The following ZRANB3 variants were observed in gnomAD, a reference collection of about 807,000 sequenced individuals.
ZRANB3 encodes the protein DNA annealing helicase and endonuclease ZRANB3.
ZRANB3 carries 125 observed loss-of-function variants against 133.8 expected under a neutral mutation model. That is an observed-to-expected ratio of 0.93 (90% CI 0.81 to 1.08). ZRANB3 has a LOEUF of 1.08. Among genes scored for constraint, ZRANB3 ranks in the 50% least tolerant of loss-of-function variants. The pLI is 0.00. For synonymous variants in ZRANB3, 387 were observed against 432.7 expected (o/e 0.89, Z 1.31); for missense variants, 1,229 against 1,275.5 (o/e 0.96, Z 0.56).
intron 1 of ZRANB3, among the ~76,000 whole-genome samples, chr2:135,526,593 G>A (rs987957099): frequency 2.0e-5 from 3 of 152,042 alleles, no homozygotes; most frequent in Admixed American, 2.0e-4. Flanking sequence ...TCTGACTGTG[G>A]CATAACATTA....
In ZRANB3 at chr2:135,219,186, T is replaced by G; in HGVS notation, c.2251-8A>C. ...GCTCATCTGTTTTCCATCCTGATGA[T>G]AGATTAGGAAGACACTAATAATCCA... is the stretch of plus-strand genomic sequence containing the variant. On this transcript the variant is annotated splice_polypyrimidine_tract_variant and splice_region_variant and intron_variant, in intron 15 of 20. Transcript: ENST00000264159. 2.7e-6 allele frequency: 4 copies of G among 1,489,936 alleles called. No individual in the cohort carries two copies. The highest frequency in any genetic ancestry group is 5.5e-5 in the Admixed American group (2 of 36,324). 92.3% of individuals were successfully genotyped at this position (1,489,936 alleles called of 1,614,324 possible). A position where few individuals can be genotyped will look rare whatever the true frequency, so the allele number is the denominator to read the frequency against.
intron 2 of ZRANB3, among the ~76,000 whole-genome samples, chr2:135,455,843 C>T (rs925469382): frequency 6.6e-6 from 1 of 152,020 alleles, no homozygotes; most frequent in Admixed American, 6.6e-5. Context: ...ATCCACCCAC[C>T]TCGGCCTCCC....
At chr2:135,361,942 T>C (rs1289532184) in intron 3 of ZRANB3, among the ~76,000 whole-genome samples, 1 of 152,162 alleles carries the variant, frequency 6.6e-6, no homozygotes. Flanking sequence ...CTCACGTCTG[T>C]AATCCCAGCA....
intron 2 of ZRANB3, among the ~76,000 whole-genome samples, chr2:135,428,369 G>C (rs1689181064): frequency 6.6e-6 from 1 of 150,602 alleles, no homozygotes; most frequent in Non-Finnish European, 1.5e-5. Flanking sequence ...CTTGAACCTG[G>C]GAGCCAAGAT....
At chr2:135,272,810 T>C (rs1680595856) in intron 9 of ZRANB3, among the ~76,000 whole-genome samples, 1 of 152,060 alleles carries the variant, frequency 6.6e-6, no homozygotes, top group East Asian at 1.9e-4. Flanking sequence ...ACATTAAGTG[T>C]TAAACCGAAC....
At chr2:135,388,029 T>C (rs1241056637) in intron 3 of ZRANB3, among the ~76,000 whole-genome samples, 1 of 152,170 alleles carries the variant, frequency 6.6e-6, no homozygotes, top group Non-Finnish European at 1.5e-5. Context: ...TACCCGAGTC[T>C]GGGTAATTTA....
intron 12 of ZRANB3, among the ~76,000 whole-genome samples, chr2:135,231,319 C>CT (rs1695002667): frequency 2.0e-5 from 3 of 152,148 alleles, no homozygotes; most frequent in African/African-American, 7.2e-5. Flanking sequence ...ATACATTACC[C>CT]TAAATATATG....
chr2:135,248,875 C>T (rs956729994), intron 12 of ZRANB3, among the ~76,000 whole-genome samples: 1 of 152,078 alleles, frequency 6.6e-6, no homozygotes, highest in Non-Finnish European at 1.5e-5. Flanking sequence ...CATCACATTC[C>T]AGCCTGGGTG....
intron 2 of ZRANB3, among the ~76,000 whole-genome samples, chr2:135,430,434 TAA>T (rs76026768): frequency 7.0e-6 from 1 of 143,856 alleles, no homozygotes; most frequent in Non-Finnish European, 1.5e-5. Flanking sequence ...GTAAGAAGAT[TAA>T]AAAAAAAAAA....
At chr2:135,438,867 G>A (rs1689662811) in intron 2 of ZRANB3, among the ~76,000 whole-genome samples, 2 of 152,136 alleles carry the variant, frequency 1.3e-5, no homozygotes, top group Admixed American at 6.6e-5. Context: ...TAATGTTAAT[G>A]AAGAACTTTT....
At chr2:135,363,588 C>A (rs1025589942) in intron 3 of ZRANB3, among the ~76,000 whole-genome samples, 18 of 152,206 alleles carry the variant, frequency 1.2e-4, no homozygotes, top group East Asian at 3.9e-4. Flanking sequence ...TCAGCAATTT[C>A]TTAAAATTGA....
intron 8 of ZRANB3, among the ~76,000 whole-genome samples, chr2:135,307,216 C>T (rs1004414785): frequency 2.0e-5 from 3 of 152,064 alleles, no homozygotes; most frequent in African/African-American, 7.2e-5. Flanking sequence ...CAGACGTGTA[C>T]CATCACACTG....
chr2:135,489,658 A>G (rs965083995), intron 2 of ZRANB3, among the ~76,000 whole-genome samples: 4 of 151,772 alleles, frequency 2.6e-5, no homozygotes, highest in South Asian at 4.1e-4. Flanking sequence ...AATAAACAAA[A>G]CTGAAATGAA....
rs772041703 is a variant in ZRANB3 at position 135,331,256 on chromosome 2, G to A, written c.677+14294C>T. On this transcript the variant is annotated intron_variant, in intron 6 of 20. Coordinates refer to ENST00000264159, the MANE Select transcript of ZRANB3 (RefSeq NM_032143.4). ...AAATGTGTCCCAGAGATTCTGGTAC[G>A]TTGTGCCTTTTTTCTCATTGGTTTC... is the stretch of plus-strand genomic sequence containing the variant. 1.7e-4 allele frequency among the ~76,000 whole-genome samples: 26 copies of A among 152,228 alleles called. 1 individual carries two copies. In the East Asian group the frequency reaches 3.3e-3, roughly 19 times the overall value.
At position 135,199,681 on chromosome 2, in the gene ZRANB3, C is replaced by T. The variant is rs1264189797; in HGVS notation, c.*661G>A. ...AGTGGCATTTTACATTTTATGTTTT[C>T]AGTTATTTAATAGTTTTAACAATTA... On this transcript the variant is annotated 3_prime_UTR_variant, in exon 21 of 21. Coordinates refer to ENST00000264159, the MANE Select transcript of ZRANB3 (RefSeq NM_032143.4). 1 of 152,156 alleles carries T rather than the reference C, an allele frequency of 6.6e-6. No homozygotes were observed. The highest frequency in any genetic ancestry group is 1.9e-4 in the East Asian group (1 of 5,204). 9.4% of individuals were successfully genotyped at this position (152,156 alleles called of 1,614,324 possible).
chr2:135,354,593 T>C (rs915257972), intron 3 of ZRANB3, among the ~76,000 whole-genome samples: 3 of 152,132 alleles, frequency 2.0e-5, no homozygotes, highest in Admixed American at 2.0e-4. Context: ...TACTATTCGG[T>C]AATAAAAAAA....
intron 2 of ZRANB3, among the ~76,000 whole-genome samples, chr2:135,468,207 G>T (rs1337050541): frequency 6.6e-6 from 1 of 152,102 alleles, no homozygotes; most frequent in Admixed American, 6.5e-5. Flanking sequence ...TAAAAAGCAA[G>T]AAGAAACATG....
intron 8 of ZRANB3, among the ~76,000 whole-genome samples, chr2:135,288,728 A>T (rs1289737865): frequency 3.9e-5 from 6 of 151,920 alleles, no homozygotes; most frequent in African/African-American, 1.2e-4. Context: ...AATCTTTTGT[A>T]TTTCTGTGGT....
chr2:135,252,408 C>T (rs1018950869), intron 12 of ZRANB3, among the ~76,000 whole-genome samples: 2 of 151,958 alleles, frequency 1.3e-5, no homozygotes, highest in African/African-American at 4.8e-5. Flanking sequence ...CCCATGACAT[C>T]AAAAGTAGTA....
Sources: allele counts gnomAD v4.1 joint callset (sites outside exome capture counted in the v4.1 genomes callset), GRCh38; gene constraint gnomAD v4.1.1; transcripts MANE v1.5; gene names NCBI Gene and HGNC (gene_info 2026-07-23, HGNC 2026-07-21).